CROT: variants seen among roughly 807,000 people sequenced by gnomAD.
The protein encoded by CROT is peroxisomal carnitine O-octanoyltransferase.
CROT carries 84 observed loss-of-function variants against 89.2 expected under a neutral mutation model. The ratio of observed to expected loss-of-function variants is 0.94; its 90% CI spans 0.79 to 1.13. The LOEUF (loss-of-function observed/expected upper bound fraction) is 1.13, where lower values mean the gene tolerates loss of function less well. Among genes scored for constraint, CROT ranks in the 50% most tolerant of loss-of-function variants. CROT has a pLI of 0.00. For synonymous variants in CROT, 212 were observed against 239.5 expected (o/e 0.89, Z 1.06); for missense variants, 711 against 727.8 (o/e 0.98, Z 0.27).
At chr7:87,353,403 G>T (rs1805941790) in intron 3 of CROT, among the ~76,000 whole-genome samples, 2 of 152,030 alleles carry the variant, frequency 1.3e-5, no homozygotes, top group Non-Finnish European at 2.9e-5. Context: ...CCTGCCTCCA[G>T]TTCCCAACAT....
rs151172948 is a variant in CROT at position 87,382,432 on chromosome 7, C to T, written c.1190C>T (p.Ala397Val). Residue 397 changes from alanine to valine, a missense_variant, in exon 13 of 18, where the codon GCG becomes GTG. Transcript: ENST00000331536. ...TGTTAGGCATCTGATCTACAGATTGCGGCTTATGCCTTTACATCTTTTGGC... is the reference window on the plus strand; with the variant it reads ...TGTTAGGCATCTGATCTACAGATTGTGGCTTATGCCTTTACATCTTTTGGC... ...YLREASDLQI[A>V]AYAFTSFGKK... is the part of the protein sequence containing the mutation. The T allele has an allele frequency of 1.2e-5, 19 of 1,613,146 alleles. No homozygotes were observed. The highest frequency in any genetic ancestry group is 2.2e-5 in the East Asian group (1 of 44,844).
chr7:87,362,246 C>T (rs1806301817), intron 6 of CROT, among the ~76,000 whole-genome samples: 1 of 151,472 alleles, frequency 6.6e-6, no homozygotes, highest in Non-Finnish European at 1.5e-5. Context: ...CCACAGTCTC[C>T]CTGTGAGTCT....
rs199970637 is a variant in CROT at position 87,361,398 on chromosome 7, G to A, written c.249G>A (p.Glu83=). Residue 83 remains glutamate, a synonymous_variant, in exon 5 of 18, where the codon GAG becomes GAA. Coordinates refer to ENST00000331536, the MANE Select transcript of CROT (RefSeq NM_021151.4). ...RAKGKRNWLE[E]WWLNVAYLDV... ...TTCTCAATTTCTTTTAGCTGGAAGA[G>A]TGGTGGCTGAATGTTGCCTATCTGG... is the stretch of plus-strand genomic sequence containing the variant. 9 of 1,613,140 alleles carry A rather than the reference G, an allele frequency of 5.6e-6. No individual in the cohort carries two copies. Among genetic ancestry groups the A allele is most frequent in the Admixed American group, 1.7e-5 (1 of 59,634 alleles).
At chr7:87,346,925 G>A (rs754382034) in intron 2 of CROT, among the ~76,000 whole-genome samples, 1 of 152,172 alleles carries the variant, frequency 6.6e-6, no homozygotes, top group Admixed American at 6.5e-5. Context: ...TGTAGATTTG[G>A]ATTCTTTTCT....
chr7:87,389,401 A>T (rs1414538329), intron 13 of CROT, among the ~76,000 whole-genome samples: 2 of 152,230 alleles, frequency 1.3e-5, no homozygotes, highest in Non-Finnish European at 2.9e-5. Context: ...AGACTAGATA[A>T]AGAAAATGTG....
At chr7:87,356,594 C>G (rs1480727714) in intron 3 of CROT, among the ~76,000 whole-genome samples, 1 of 152,066 alleles carries the variant, frequency 6.6e-6, no homozygotes, top group Non-Finnish European at 1.5e-5. Flanking sequence ...CAAAAGTAAC[C>G]ACCAGAATGA....
intron 13 of CROT, among the ~76,000 whole-genome samples, chr7:87,382,752 C>T (rs904702103): frequency 2.6e-5 from 4 of 152,120 alleles, no homozygotes; most frequent in African/African-American, 9.7e-5. Context: ...ACAGTATCCA[C>T]TTGATAACTT....
intron 2 of CROT, among the ~76,000 whole-genome samples, chr7:87,347,308 C>T (rs1348401427): frequency 1.3e-5 from 2 of 152,198 alleles, no homozygotes; most frequent in East Asian, 3.8e-4. Flanking sequence ...ATTGTGCCTA[C>T]CACAATATGG....
chr7:87,365,460 G>C (rs1218524918), intron 6 of CROT, among the ~76,000 whole-genome samples: 4 of 150,946 alleles, frequency 2.6e-5, no homozygotes, highest in Non-Finnish European at 5.9e-5. Flanking sequence ...ACTGCACTCC[G>C]GCCTGGGCGG....
At chr7:87,356,644 G>A (rs1009833884) in intron 3 of CROT, among the ~76,000 whole-genome samples, 1 of 152,176 alleles carries the variant, frequency 6.6e-6, no homozygotes, top group Non-Finnish European at 1.5e-5. Context: ...GAGACTCCAG[G>A]TTTCCACAGG....
rs1306348131 is a variant in CROT at position 87,348,363 on chromosome 7, AC to A, written c.-21-683del. 5.3e-5 allele frequency among the ~76,000 whole-genome samples: 8 copies of A among 152,308 alleles called. No homozygotes were observed. The East Asian group carries it at 1.5e-3, about 29-fold the overall frequency. ...TCAAGATTGCTTTGGAACACTTGAG[AC>A]CATTCTGTGTAGACCTCATACGACC... On this transcript the variant is annotated intron_variant, in intron 2 of 17. Coordinates refer to ENST00000331536, the MANE Select transcript of CROT (RefSeq NM_021151.4).
At chr7:87,359,985 A>G in intron 4 of CROT, 1 of 982,834 alleles carries the variant, frequency 1.0e-6, no homozygotes, top group South Asian at 4.7e-5. Flanking sequence ...TTAGAAATAA[A>G]AAGCAAGCTG....
intron 10 of CROT, among the ~76,000 whole-genome samples, chr7:87,380,262 G>A (rs1806949221): frequency 6.6e-6 from 1 of 152,284 alleles, no homozygotes; most frequent in Admixed American, 6.5e-5. Flanking sequence ...TTATAAACCT[G>A]AAGTCAACTA....
chr7:87,388,662 C>A (rs192641661), intron 13 of CROT, among the ~76,000 whole-genome samples: 103 of 152,210 alleles, frequency 6.8e-4, no homozygotes, highest in Admixed American at 1.1e-3. Context: ...AGACCTAAAC[C>A]CATAAAAACT....
rs1807648881 is a variant in CROT at position 87,398,892 on chromosome 7, T to C, written c.*248T>C. ...AATTATGACATAGTGAATATAGAAC[T>C]ATGCAGTATTTAAGCCTCAACAATC... On this transcript the variant is annotated 3_prime_UTR_variant, in exon 18 of 18. Transcript: ENST00000331536. The C allele has an allele frequency of 1.2e-5, 5 of 428,102 alleles. No individual in the cohort carries two copies. The highest frequency in any genetic ancestry group is 2.1e-5 in the Non-Finnish European group (5 of 238,000). 26.5% of individuals were successfully genotyped at this position (428,102 alleles called of 1,614,324 possible).
At position 87,385,652 on chromosome 7, in the gene CROT, A is replaced by G. The variant is rs532903725; in HGVS notation, c.1301+3109A>G. Among the ~76,000 whole-genome samples, 11 of 152,242 alleles carry G rather than the reference A, an allele frequency of 7.2e-5. No homozygotes were observed. In the East Asian group the frequency reaches 7.7e-4, roughly 11 times the overall value. ...GGACAATTTGACTTTTTCCTTTGCA[A>G]TTTGAGTGCTCTTTATTTCATTCTC... On this transcript the variant is annotated intron_variant, in intron 13 of 17. Coordinates refer to ENST00000331536, the MANE Select transcript of CROT (RefSeq NM_021151.4).
At chr7:87,354,172 A>G (rs1805978687) in intron 3 of CROT, among the ~76,000 whole-genome samples, 2 of 152,246 alleles carry the variant, frequency 1.3e-5, no homozygotes, top group African/African-American at 4.8e-5. Flanking sequence ...AAAATGCTTT[A>G]GAAGCAATAC....
chr7:87,367,062 C>T (rs1806470912), intron 6 of CROT, among the ~76,000 whole-genome samples: 1 of 152,152 alleles, frequency 6.6e-6, no homozygotes, highest in Non-Finnish European at 1.5e-5. Flanking sequence ...GAATAATGGT[C>T]CCCCATAGAT....
In CROT at chr7:87,393,058, G is replaced by T. The variant is rs1425738625; in HGVS notation, c.1709G>T (p.Arg570Ile). Residue 570 changes from arginine to isoleucine, a missense_variant, in exon 17 of 18, where the codon AGA becomes ATA. Physicochemically the swap from Arg to Ile is moderately conservative, Grantham distance 97 (BLOSUM62 -3). Transcript: ENST00000331536. ...GGTTATGGATTTTTCTACCATATCA[G>T]AGATGACAGGTGAGGCTTCTCTTTT... ...HNGYGFFYHI[R>I]DDRFVVACSA... The T allele has an allele frequency of 6.2e-7, 1 of 1,613,034 alleles. No individual in the cohort carries two copies. The highest frequency in any genetic ancestry group is 1.3e-5 in the African/African-American group (1 of 74,852).
Sources: gnomAD v4.1 joint callset for allele counts (sites outside exome capture counted in the v4.1 genomes callset) on GRCh38, gnomAD v4.1.1 for gene constraint, MANE v1.5 for transcripts, NCBI Gene and HGNC (gene_info 2026-07-23, HGNC 2026-07-21) for gene names.